TFPI: variants seen among roughly 807,000 people sequenced by gnomAD.
The protein encoded by TFPI is tissue factor pathway inhibitor, also known as anti-convertin.
TFPI carries 15 observed loss-of-function variants against 34.6 expected under a neutral mutation model. The observed-to-expected ratio is 0.43, with a 90% confidence interval of 0.29 to 0.67. TFPI has a LOEUF of 0.67. Ranked by LOEUF, TFPI falls within the 30% of genes least tolerant of loss-of-function variation. The pLI, the probability that TFPI is intolerant of heterozygous loss-of-function variation, is 0.15. For missense variants in TFPI, 301 were observed against 364.0 expected (o/e 0.83, Z 1.41); for synonymous variants, 105 against 120.1 (o/e 0.87, Z 0.82).
chr2:187,514,190 C>T (rs1313910532), intron 1 of TFPI: 3 of 152,224 alleles, frequency 2.0e-5, no homozygotes, highest in Admixed American at 6.5e-5. Context: ...TTAATACAAA[C>T]TTTGGCAATT....
chr2:187,524,522 C>T (rs1475411302), intron 1 of TFPI, among the ~76,000 whole-genome samples: 1 of 151,818 alleles, frequency 6.6e-6, no homozygotes, highest in Non-Finnish European at 1.5e-5. Context: ...GTTCAATACC[C>T]CAAACAATGA....
chr2:187,511,417 G>C lies in TFPI; in HGVS notation c.-2-7647C>G, dbSNP rs143392627. Among the ~76,000 whole-genome samples, 711 of 152,296 alleles carry C rather than the reference G, an allele frequency of 4.7e-3. 9 individuals are homozygous for C. Among genetic ancestry groups the C allele is most frequent in the African/African-American group, 0.016 (665 of 41,554 alleles). On this transcript the variant is annotated intron_variant, in intron 1 of 7. Coordinates refer to ENST00000233156, the MANE Select transcript of TFPI (RefSeq NM_006287.6). ...CTCTGGTTTGGTGTAAACTGTGAAAGTGTCTGTGTGCCCTTTTTACTTGTT... is the reference window on the plus strand; with the variant it reads ...CTCTGGTTTGGTGTAAACTGTGAAACTGTCTGTGTGCCCTTTTTACTTGTT...
chr2:187,494,678 A>T (rs1325701558), intron 3 of TFPI, among the ~76,000 whole-genome samples: 1 of 152,206 alleles, frequency 6.6e-6, no homozygotes, highest in Non-Finnish European at 1.5e-5. Flanking sequence ...TATCCTTATC[A>T]GTAGTCTGCT....
At chr2:187,478,526 T>A in intron 6 of TFPI, 1 of 1,172,002 alleles carries the variant, frequency 8.5e-7, no homozygotes, top group Non-Finnish European at 1.1e-6. Flanking sequence ...AGAATATTCA[T>A]TTTTCTTTGC....
intron 6 of TFPI, chr2:187,478,893 A>G: frequency 9.5e-7 from 1 of 1,047,224 alleles, no homozygotes; most frequent in Non-Finnish European, 1.4e-6. Context: ...GGAAGTCTAT[A>G]AACTGTATAG....
chr2:187,551,376 G>A (rs1689090591), intron 1 of TFPI, among the ~76,000 whole-genome samples: 1 of 152,106 alleles, frequency 6.6e-6, no homozygotes, highest in Non-Finnish European at 1.5e-5. Flanking sequence ...GAGGCTTAAA[G>A]AGAAAACAGT....
At chr2:187,545,102 C>A (rs1449238590) in intron 1 of TFPI, among the ~76,000 whole-genome samples, 1 of 151,816 alleles carries the variant, frequency 6.6e-6, no homozygotes, top group Non-Finnish European at 1.5e-5. Context: ...CAGAGGGAGA[C>A]CCTGTTTCAA....
Position 187,501,125 on chromosome 2 carries a change from T to C in TFPI, c.121+2523A>G, listed in dbSNP as rs375079771. ...TTGAAGGAAATGTTTACAGAGGTAA[T>C]AATTATCTGCCAGCGGCCATGAGAA... On this transcript the variant is annotated intron_variant, in intron 2 of 7. Transcript: ENST00000233156. 2.6e-5 allele frequency among the ~76,000 whole-genome samples: 4 copies of C among 152,026 alleles called. No individual in the cohort carries two copies. In the East Asian group the frequency reaches 7.7e-4, roughly 29 times the overall value.
intron 6 of TFPI, among the ~76,000 whole-genome samples, chr2:187,480,247 A>T (rs1216734591): frequency 6.6e-6 from 1 of 152,090 alleles, no homozygotes; most frequent in African/African-American, 2.4e-5. Context: ...GAACTTACAA[A>T]GAAGTTGTTT....
chr2:187,481,612 A>T (rs1047879776), intron 6 of TFPI, among the ~76,000 whole-genome samples: 7 of 122,724 alleles, frequency 5.7e-5, no homozygotes, highest in Admixed American at 4.1e-4. Flanking sequence ...TTACTGCAAC[A>T]TTGTTTCATG....
At chr2:187,487,255 G>A (rs1693338170) in intron 4 of TFPI, among the ~76,000 whole-genome samples, 1 of 151,042 alleles carries the variant, frequency 6.6e-6, no homozygotes, top group African/African-American at 2.4e-5. Flanking sequence ...TACAGATAAG[G>A]CCTTCATTTA....
chr2:187,495,721 G>A (rs1685432605), intron 3 of TFPI, among the ~76,000 whole-genome samples: 1 of 152,134 alleles, frequency 6.6e-6, no homozygotes, highest in African/African-American at 2.4e-5. Context: ...TTAGAAAGCA[G>A]TAACAGAGTG....
chr2:187,484,033 A>C, intron 6 of TFPI, 91 bp downstream of exon 6: 1 of 976,172 alleles, frequency 1.0e-6, no homozygotes, highest in Non-Finnish European at 1.6e-6. Flanking sequence ...GTATATATAT[A>C]TATTTAAAGA....
chr2:187,473,812 T>TC (rs8176561), intron 6 of TFPI, among the ~76,000 whole-genome samples: 3 of 150,018 alleles, frequency 2.0e-5, no homozygotes, highest in Admixed American at 1.3e-4. Flanking sequence ...CTTTTTTTTT[T>TC]CCCCCCGCAT....
chr2:187,469,831 T>C (rs1691931567), intron 6 of TFPI, among the ~76,000 whole-genome samples: 1 of 152,104 alleles, frequency 6.6e-6, no homozygotes, highest in Non-Finnish European at 1.5e-5. Context: ...CTAAGAATCA[T>C]TTATATTAGA....
intron 2 of TFPI, among the ~76,000 whole-genome samples, chr2:187,499,212 A>G (rs1244446025): frequency 4.6e-5 from 7 of 151,914 alleles, no homozygotes; most frequent in African/African-American, 1.7e-4. Flanking sequence ...TCAGGCATAT[A>G]GAGAGTTTCT....
At chr2:187,480,896 A>G (rs187329759) in intron 6 of TFPI, among the ~76,000 whole-genome samples, 25 of 152,234 alleles carry the variant, frequency 1.6e-4, no homozygotes, top group Non-Finnish European at 2.4e-4. Flanking sequence ...GTAAGTATTC[A>G]AGTATCTCGA....
At chr2:187,497,835 T>G (rs535274755) in intron 2 of TFPI, among the ~76,000 whole-genome samples, 8 of 152,040 alleles carry the variant, frequency 5.3e-5, no homozygotes, top group African/African-American at 1.7e-4. Context: ...CCAATAAAAT[T>G]AATAGAAGCC....
intron 1 of TFPI, among the ~76,000 whole-genome samples, chr2:187,546,558 GATA>G (rs1411975373): frequency 2.6e-5 from 4 of 151,110 alleles, no homozygotes; most frequent in Non-Finnish European, 5.9e-5. Flanking sequence ...ACGAATGCAA[GATA>G]ATACAATGAA....
Sources: allele counts gnomAD v4.1 joint callset (sites outside exome capture counted in the v4.1 genomes callset), GRCh38; gene constraint gnomAD v4.1.1; transcripts MANE v1.5; gene names NCBI Gene and HGNC (gene_info 2026-07-23, HGNC 2026-07-21).